ATP8A1: variants seen among roughly 807,000 people sequenced by gnomAD.
The protein encoded by ATP8A1 is phospholipid-transporting ATPase IA.
ATP8A1 carries 90 observed loss-of-function variants against 177.7 expected under a neutral mutation model. The observed-to-expected ratio is 0.51, with a 90% CI of 0.43 to 0.60. The LOEUF is 0.60. Among genes scored for constraint, ATP8A1 ranks in the 20% least tolerant of loss-of-function variants. The pLI is 0.00. For synonymous variants in ATP8A1, 493 were observed against 485.9 expected, an observed-to-expected ratio of 1.01 and a Z score of -0.19; for missense variants, 1,072 against 1,392.8, an observed-to-expected ratio of 0.77 and a Z score of 3.67.
At chr4:42,478,228 C>T (rs1721285177) in intron 25 of ATP8A1, among the ~76,000 whole-genome samples, 1 of 151,912 alleles carries the variant, frequency 6.6e-6, no homozygotes, top group South Asian at 2.1e-4. Flanking sequence ...TGGTGGCACG[C>T]ATCTGTGGTC....
At chr4:42,544,030 T>C (rs1336697712) in intron 19 of ATP8A1, 44 bp from the exon 20 acceptor site, 1 of 1,453,010 alleles carries the variant, frequency 6.9e-7, no homozygotes, top group Non-Finnish European at 9.6e-7. Context: ...ATACCAAGGA[T>C]ATGCATGTAT....
chr4:42,536,749 T>C (rs188285046), intron 20 of ATP8A1, among the ~76,000 whole-genome samples: 12 of 152,264 alleles, frequency 7.9e-5, no homozygotes, highest in African/African-American at 2.9e-4. Flanking sequence ...TCCACCAGGA[T>C]CAAGTGGGTT....
intron 20 of ATP8A1, 77 bp downstream of exon 20, chr4:42,543,840 A>G (rs1728631868): frequency 1.8e-6 from 2 of 1,082,108 alleles, no homozygotes; most frequent in Admixed American, 2.4e-5. Flanking sequence ...TCTGTGTTAC[A>G]TTTCCATAGA....
At chr4:42,433,862 A>G (rs950670469) in intron 33 of ATP8A1, among the ~76,000 whole-genome samples, 2 of 151,950 alleles carry the variant, frequency 1.3e-5, no homozygotes, top group African/African-American at 4.8e-5. Context: ...GTAATAAAAA[A>G]AAAAAACGAT....
intron 33 of ATP8A1, among the ~76,000 whole-genome samples, chr4:42,426,228 G>C (rs993882252): frequency 2.0e-5 from 3 of 152,194 alleles, no homozygotes; most frequent in Admixed American, 6.5e-5. Flanking sequence ...TCCCACGCCA[G>C]ACAGAAACCC....
At chr4:42,469,127 A>C (rs1476239758) in intron 25 of ATP8A1, among the ~76,000 whole-genome samples, 2 of 152,164 alleles carry the variant, frequency 1.3e-5, no homozygotes, top group Non-Finnish European at 2.9e-5. Context: ...TAGTTAGTTT[A>C]CTCCAAAATT....
At chr4:42,414,516 AT>A in intron 36 of ATP8A1, 110 bp downstream of exon 36, 1 of 958,412 alleles carries the variant, frequency 1.0e-6, no homozygotes, top group East Asian at 2.5e-5. Flanking sequence ...TGCAAAACTT[AT>A]TTTAGACATT....
intron 9 of ATP8A1, among the ~76,000 whole-genome samples, chr4:42,585,740 G>T (rs544168515): frequency 2.2e-4 from 34 of 151,974 alleles, no homozygotes; most frequent in African/African-American, 8.2e-4. Context: ...ACCTTAACTG[G>T]CTTGGCTTAC....
chr4:42,432,471 T>G (rs1240180696), intron 33 of ATP8A1, among the ~76,000 whole-genome samples: 1 of 152,186 alleles, frequency 6.6e-6, no homozygotes, highest in African/African-American at 2.4e-5. Context: ...TTGCAAACAC[T>G]TCTGAAAGTG....
intron 24 of ATP8A1, among the ~76,000 whole-genome samples, chr4:42,503,068 C>T (rs1341234929): frequency 6.6e-6 from 1 of 152,216 alleles, no homozygotes; most frequent in East Asian, 1.9e-4. Flanking sequence ...ATAGCTTTCA[C>T]ATTTTTTTAG....
rs1212446429 is a variant in ATP8A1 at position 42,409,363 on chromosome 4, A to G, written c.*3553T>C. ...AATTAAAATGCAGCAAAGTATAACTACGTTACACAAGTGACTTCAGTTATT... is the reference window on the plus strand; with the variant it reads ...AATTAAAATGCAGCAAAGTATAACTGCGTTACACAAGTGACTTCAGTTATT... On this transcript the variant is annotated 3_prime_UTR_variant, in exon 37 of 37. Transcript: ENST00000381668. The G allele has an allele frequency of 2.0e-5, 3 of 152,194 alleles. No homozygotes were observed. Among genetic ancestry groups the G allele is most frequent in the African/African-American group, 7.2e-5 (3 of 41,466 alleles). 9.4% of individuals were successfully genotyped at this position (152,194 alleles called of 1,614,324 possible).
At chr4:42,560,945 T>C (rs931430018) in intron 15 of ATP8A1, among the ~76,000 whole-genome samples, 3 of 152,196 alleles carry the variant, frequency 2.0e-5, no homozygotes, top group Non-Finnish European at 2.9e-5. Flanking sequence ...ATTCAGGTTC[T>C]GAGTTCTCAT....
chr4:42,603,281 G>C (rs1735483062), intron 5 of ATP8A1, among the ~76,000 whole-genome samples: 1 of 152,042 alleles, frequency 6.6e-6, no homozygotes, highest in African/African-American at 2.4e-5. Flanking sequence ...TTCTGTGAAT[G>C]GGTCTTTCAC....
chr4:42,484,276 T>C (rs997336972), intron 25 of ATP8A1, among the ~76,000 whole-genome samples: 17 of 152,208 alleles, frequency 1.1e-4, no homozygotes, highest in African/African-American at 4.1e-4. Context: ...TGACTAATAT[T>C]AAACATCTGT....
intron 23 of ATP8A1, among the ~76,000 whole-genome samples, chr4:42,504,827 G>C (rs1724204035): frequency 6.6e-6 from 1 of 152,234 alleles, no homozygotes; most frequent in African/African-American, 2.4e-5. Context: ...ACAGTGGCCT[G>C]GGAGGCCCCG....
chr4:42,423,836 C>T (rs1415814164), intron 33 of ATP8A1, 131 bp from the exon 34 acceptor site: 7 of 487,146 alleles, frequency 1.4e-5, no homozygotes, highest in South Asian at 4.9e-5. Context: ...ACTCTGAATT[C>T]GAACTTATGA....
intron 1 of ATP8A1, among the ~76,000 whole-genome samples, chr4:42,639,465 T>C (rs552897825): frequency 6.6e-6 from 1 of 152,310 alleles, no homozygotes; most frequent in East Asian, 1.9e-4. Flanking sequence ...ACATCTACTT[T>C]GCTTCAATCG....
Position 42,569,420 on chromosome 4 carries a change from C to T in ATP8A1, c.1296-215G>A, listed in dbSNP as rs919048691. ...GCAGGTTTACAAAGTTATCCTGTAA[C>T]TGTATAGCCAATTTGCCTCTTCACC... On this transcript the variant is annotated intron_variant, in intron 14 of 36. Coordinates refer to ENST00000381668, the MANE Select transcript of ATP8A1 (RefSeq NM_006095.2). 5.6e-4 allele frequency among the ~76,000 whole-genome samples: 85 copies of T among 152,162 alleles called. 2 individuals are homozygous for T. The highest frequency in any genetic ancestry group is 5.5e-3 in the Admixed American group (84 of 15,264).
chr4:42,455,653 T>C (rs1718404425), intron 27 of ATP8A1, 54 bp from the exon 28 acceptor site: 12 of 1,524,126 alleles, frequency 7.9e-6, no homozygotes, highest in Non-Finnish European at 1.1e-5. Context: ...ATAAATGCAT[T>C]GCTTAGAATC....
Sources: gnomAD v4.1 joint callset for allele counts (sites outside exome capture counted in the v4.1 genomes callset) on GRCh38, gnomAD v4.1.1 for gene constraint, MANE v1.5 for transcripts, NCBI Gene and HGNC (gene_info 2026-07-23, HGNC 2026-07-21) for gene names.